WDR45B: variants seen among roughly 807,000 people sequenced by gnomAD.
The protein encoded by WDR45B is WD repeat domain 45B.
A neutral mutation model predicts 44.6 loss-of-function variants in WDR45B; 20 were observed. The ratio of observed to expected loss-of-function variants is 0.45; its 90% CI spans 0.32 to 0.65. WDR45B has a LOEUF of 0.65. Ranked by LOEUF, WDR45B falls within the 30% of genes least tolerant of loss-of-function variation. The pLI, the probability that WDR45B is intolerant of heterozygous loss-of-function variation, is 0.05. For missense variants in WDR45B, 323 were observed against 430.2 expected (o/e 0.75, Z 2.20); for synonymous variants, 169 against 164.9 (o/e 1.02, Z -0.19).
In WDR45B at chr17:82,620,950, A is replaced by G. The variant is rs2045607082; in HGVS notation, c.618+659T>C. ...AGCTGTGTGTTATCAGGCTGTGAAG[A>G]CAGGAGCACAGAAGTTGAGTGGTTC... On this transcript the variant is annotated intron_variant, in intron 6 of 9. Transcript: ENST00000392325. 2.0e-5 allele frequency among the ~76,000 whole-genome samples: 3 copies of G among 152,338 alleles called. No individual in the cohort carries two copies. In the South Asian group the frequency reaches 6.2e-4, roughly 32 times the overall value.
chr17:82,620,305 G>A (rs1177799353), intron 6 of WDR45B, among the ~76,000 whole-genome samples: 2 of 152,082 alleles, frequency 1.3e-5, no homozygotes, highest in East Asian at 1.9e-4. Context: ...ATGGCGGTGG[G>A]TGCCTGTCAC....
At chr17:82,629,033 A>G (rs910584620) in intron 3 of WDR45B, among the ~76,000 whole-genome samples, 1 of 151,940 alleles carries the variant, frequency 6.6e-6, no homozygotes, top group African/African-American at 2.4e-5. Flanking sequence ...GTTTACTAGT[A>G]AAAAAAAGTA....
At chr17:82,638,030 A>T (rs2045858250) in intron 2 of WDR45B, among the ~76,000 whole-genome samples, 1 of 149,714 alleles carries the variant, frequency 6.7e-6, no homozygotes, top group Non-Finnish European at 1.5e-5. Flanking sequence ...AAAACAAACA[A>T]AAAAACGTAG....
intron 2 of WDR45B, among the ~76,000 whole-genome samples, chr17:82,638,470 C>T (rs1254089405): frequency 1.3e-5 from 2 of 151,330 alleles, no homozygotes; most frequent in Non-Finnish European, 2.9e-5. Context: ...ATAATTACAC[C>T]ACATCTTGAC....
intron 2 of WDR45B, among the ~76,000 whole-genome samples, chr17:82,643,096 A>G (rs1243935470): frequency 1.3e-5 from 2 of 152,178 alleles, no homozygotes; most frequent in Non-Finnish European, 2.9e-5. Context: ...CATTTTTACA[A>G]TAACTCTGAG....
At chr17:82,640,988 C>T (rs1169088903) in intron 2 of WDR45B, among the ~76,000 whole-genome samples, 12 of 14,370 alleles carry the variant, frequency 8.4e-4, no homozygotes, top group Non-Finnish European at 1.2e-3. Context: ...TTTTTTGAGA[C>T]GGAGTCTTGC....
chr17:82,637,245 G>C (rs538236873), intron 2 of WDR45B, among the ~76,000 whole-genome samples: 2 of 152,132 alleles, frequency 1.3e-5, no homozygotes, highest in African/African-American at 4.8e-5. Flanking sequence ...GGTCGGACTT[G>C]TCTGTAACAG....
intron 2 of WDR45B, among the ~76,000 whole-genome samples, chr17:82,642,056 AG>A (rs932058430): frequency 6.6e-6 from 1 of 152,190 alleles, no homozygotes; most frequent in Non-Finnish European, 1.5e-5. Flanking sequence ...GGAGGGTGGC[AG>A]CCGAGGGAGG....
chr17:82,643,513 A>G (rs2045941988), intron 2 of WDR45B, among the ~76,000 whole-genome samples: 1 of 152,178 alleles, frequency 6.6e-6, no homozygotes, highest in African/African-American at 2.4e-5. Flanking sequence ...GGTAAAGGGC[A>G]GAACCAGGAC....
chr17:82,621,946 T>C (rs1231308650), intron 5 of WDR45B, 147 bp from the exon 6 acceptor site: 3 of 1,026,722 alleles, frequency 2.9e-6, no homozygotes, highest in South Asian at 1.4e-5. Context: ...AGATTTTTCA[T>C]TGTAAATAAA....
intron 6 of WDR45B, 67 bp from the exon 7 acceptor site, chr17:82,619,195 C>G (rs866342571): frequency 2.8e-5 from 41 of 1,441,036 alleles, no homozygotes; most frequent in Middle Eastern, 1.9e-4. Flanking sequence ...TTTGAAATGA[C>G]TCACATTCAC....
Position 82,621,747 on chromosome 17 carries a change from G to A in WDR45B, c.480C>T (p.Gly160=). The A allele has an allele frequency of 6.2e-7, 1 of 1,614,190 alleles. No homozygotes were observed. ...NSNNSLLAFP[G]THTGHVQLVD... is the part of the protein sequence containing the mutation. The stretch of plus-strand genomic sequence containing the variant: ...CAAGCTGCACATGGCCCGTGTGCGT[G>A]CCCGGAAAGGCCAGGAGGGAGTTGT... The change falls in exon 6 of 10, where the codon GGC becomes GGT. Residue 160 remains glycine, a synonymous_variant. Transcript: ENST00000392325.
In WDR45B at chr17:82,618,744, C is replaced by T. The variant is rs574198255; in HGVS notation, c.704+299G>A. ...GCAAGACCTTCCCTCAAAATAAAAACCCCAAAAAAACAACAAAAAAAACCC... is the reference window on the plus strand; with the variant it reads ...GCAAGACCTTCCCTCAAAATAAAAATCCCAAAAAAACAACAAAAAAAACCC... On this transcript the variant is annotated intron_variant, in intron 7 of 9. Coordinates refer to ENST00000392325, the MANE Select transcript of WDR45B (RefSeq NM_019613.4). 5.0e-4 allele frequency among the ~76,000 whole-genome samples: 76 copies of T among 151,722 alleles called. 1 individual carries two copies. Among genetic ancestry groups the T allele is most frequent in the African/African-American group, 1.8e-3 (76 of 41,170 alleles).
At chr17:82,628,941 A>T (rs575270940) in intron 3 of WDR45B, among the ~76,000 whole-genome samples, 8 of 152,110 alleles carry the variant, frequency 5.3e-5, no homozygotes, top group Non-Finnish European at 1.0e-4. Context: ...TAGAAGCTGC[A>T]GTGAGCCAGG....
chr17:82,624,905 A>G (rs929038223), intron 5 of WDR45B, among the ~76,000 whole-genome samples: 3 of 152,202 alleles, frequency 2.0e-5, no homozygotes, highest in African/African-American at 7.2e-5. Flanking sequence ...GGAGTGAGCC[A>G]CCGCGCCCGG....
intron 2 of WDR45B, among the ~76,000 whole-genome samples, chr17:82,632,370 T>C (rs1284061376): frequency 6.6e-6 from 1 of 152,076 alleles, no homozygotes; most frequent in Non-Finnish European, 1.5e-5. Context: ...TCATACTGTA[T>C]TGCCCAGGCT....
At chr17:82,629,810 T>C in intron 3 of WDR45B, 1 of 985,398 alleles carries the variant, frequency 1.0e-6, no homozygotes, top group Non-Finnish European at 1.2e-6. Flanking sequence ...CTTTTGTGCC[T>C]GATCTGACCT....
chr17:82,638,250 G>A (rs112660044), intron 2 of WDR45B, among the ~76,000 whole-genome samples: 2 of 23,838 alleles, frequency 8.4e-5, no homozygotes, highest in African/African-American at 2.6e-4. Flanking sequence ...GGGAGGGGAG[G>A]GGAGGGGAGG....
chr17:82,628,521 T>C (rs889588986), intron 3 of WDR45B, among the ~76,000 whole-genome samples: 1 of 151,904 alleles, frequency 6.6e-6, no homozygotes, highest in African/African-American at 2.4e-5. Flanking sequence ...TGAGATCGCT[T>C]GAGGCCAAGA....
Sources: gnomAD v4.1 joint callset for allele counts (sites outside exome capture counted in the v4.1 genomes callset) on GRCh38, gnomAD v4.1.1 for gene constraint, MANE v1.5 for transcripts, NCBI Gene and HGNC (gene_info 2026-07-23, HGNC 2026-07-21) for gene names.